ANKRD50: variants seen among roughly 807,000 people sequenced by gnomAD.
The protein encoded by ANKRD50 is ankyrin repeat domain-containing protein 50.
A neutral mutation model predicts 112.0 loss-of-function variants in ANKRD50; 40 were observed. The ratio of observed to expected loss-of-function variants is 0.36; its 90% CI spans 0.28 to 0.46. The LOEUF (loss-of-function observed/expected upper bound fraction) is 0.46. Among genes scored for constraint, ANKRD50 ranks in the 20% least tolerant of loss-of-function variants. ANKRD50 has a pLI of 1.00. For synonymous variants in ANKRD50, 613 were observed against 619.1 expected (o/e 0.99, Z 0.15); for missense variants, 1,487 against 1,701.7 (o/e 0.87, Z 2.22).
At chr4:124,699,471 A>G (rs1360510233) in intron 2 of ANKRD50, among the ~76,000 whole-genome samples, 4 of 152,128 alleles carry the variant, frequency 2.6e-5, no homozygotes, top group African/African-American at 4.8e-5. Context: ...TTTAACCAAC[A>G]TATCAATTGA....
chr4:124,706,362 G>C (rs1725503596), intron 2 of ANKRD50, among the ~76,000 whole-genome samples: 1 of 152,022 alleles, frequency 6.6e-6, no homozygotes, highest in Non-Finnish European at 1.5e-5. Flanking sequence ...TGTCAGAAGG[G>C]AAGAAAGTGG....
At chr4:124,706,432 G>C (rs1236652494) in intron 2 of ANKRD50, among the ~76,000 whole-genome samples, 1 of 151,908 alleles carries the variant, frequency 6.6e-6, no homozygotes, top group Admixed American at 6.6e-5. Context: ...TTATGAACTA[G>C]TAATTAACAA....
At chr4:124,681,511 C>A (rs1401553540) in intron 2 of ANKRD50, among the ~76,000 whole-genome samples, 1 of 152,156 alleles carries the variant, frequency 6.6e-6, no homozygotes, top group African/African-American at 2.4e-5. Flanking sequence ...TAGTCCTGGG[C>A]ACATCATAGT....
chr4:124,710,007 A>G lies in ANKRD50; in HGVS notation c.505T>C (p.Phe169Leu). The G allele has an allele frequency of 6.2e-7, 1 of 1,605,232 alleles. No homozygotes were observed. Among genetic ancestry groups the G allele is most frequent in the Non-Finnish European group, 8.5e-7 (1 of 1,174,512 alleles). The change falls in exon 2 of 5, where the codon TTT (phenylalanine) becomes CTT (leucine). Residue 169 changes from phenylalanine to leucine, a missense_variant. Phe to Leu is a conservative substitution (Grantham distance 22). This residue lies in a region of ANKRD50 where 1,046 missense variants were observed against 1,269.5 expected (regional missense o/e 0.82). Coordinates refer to ENST00000504087, the MANE Select transcript of ANKRD50 (RefSeq NM_020337.3). ...GECERNPAEA[F>L]KRCVLLPLLG... is the part of the protein sequence containing the mutation. ...TGACATTTTTATTGTTACCTTTTAA[A>G]TGCTTCGGCTGGGTTTCTCTCGCAC...
At chr4:124,697,286 T>C (rs534783209) in intron 2 of ANKRD50, among the ~76,000 whole-genome samples, 1 of 152,170 alleles carries the variant, frequency 6.6e-6, no homozygotes, top group East Asian at 1.9e-4. Flanking sequence ...AAGAAGCAAA[T>C]GTAAACAAAG....
Position 124,671,968 on chromosome 4 carries a change from C to T in ANKRD50, c.1309G>A (p.Ala437Thr), listed in dbSNP as rs1388196113. The change falls in exon 4 of 5, where the codon GCT becomes ACT. Residue 437 changes from alanine to threonine, a missense_variant. Around this residue, in one of 2 missense-constraint regions of ANKRD50, gnomAD observed 1,046 missense variants for 1,269.5 expected, o/e 0.82. Transcript: ENST00000504087. ...TTGGCTTGACAGGTATAACTCATAG[C>T]CAACATTCTGTGTCCTTCTGCTGCA... ...CNAAEGHRML[A>T]MSYTCQAKNL... is the part of the protein sequence containing the mutation. The T allele has an allele frequency of 6.2e-7, 1 of 1,613,808 alleles. No homozygotes were observed. The highest frequency in any genetic ancestry group is 1.3e-5 in the African/African-American group (1 of 74,884).
chr4:124,692,395 T>C (rs958410844), intron 2 of ANKRD50, among the ~76,000 whole-genome samples: 3 of 152,140 alleles, frequency 2.0e-5, no homozygotes, highest in Non-Finnish European at 2.9e-5. Flanking sequence ...AGGGAGGTAA[T>C]GGTTGGGGGG....
chr4:124,694,071 A>T (rs2110521488), intron 2 of ANKRD50, among the ~76,000 whole-genome samples: 1 of 152,352 alleles, frequency 6.6e-6, no homozygotes, highest in African/African-American at 2.4e-5. Context: ...TCTTAGGAGC[A>T]AAATTACCCA....
At chr4:124,707,797 C>T (rs545269423) in intron 2 of ANKRD50, among the ~76,000 whole-genome samples, 7 of 151,948 alleles carry the variant, frequency 4.6e-5, no homozygotes, top group Non-Finnish European at 7.4e-5. Context: ...TCTTCTTCCT[C>T]TTCAATTAGC....
At chr4:124,709,359 A>G (rs949790700) in intron 2 of ANKRD50, among the ~76,000 whole-genome samples, 4 of 152,186 alleles carry the variant, frequency 2.6e-5, no homozygotes, top group African/African-American at 4.8e-5. Context: ...ATGGAAAAAA[A>G]GCTTTGCTGA....
At chr4:124,684,638 GA>G (rs1724965443) in intron 2 of ANKRD50, among the ~76,000 whole-genome samples, 1 of 152,078 alleles carries the variant, frequency 6.6e-6, no homozygotes, top group African/African-American at 2.4e-5. Flanking sequence ...TTATTTCAAC[GA>G]ATAATGGTCT....
intron 2 of ANKRD50, among the ~76,000 whole-genome samples, chr4:124,684,953 T>C (rs1724973979): frequency 6.6e-6 from 1 of 152,194 alleles, no homozygotes; most frequent in Non-Finnish European, 1.5e-5. Context: ...GAAAGCTCCC[T>C]CGCCAGGCAG....
intron 2 of ANKRD50, among the ~76,000 whole-genome samples, chr4:124,687,339 A>G (rs934523000): frequency 6.6e-6 from 1 of 152,176 alleles, no homozygotes; most frequent in Non-Finnish European, 1.5e-5. Context: ...AAATGCAAAA[A>G]AGACGAACTT....
At position 124,686,565 on chromosome 4, in the gene ANKRD50, T is replaced by C. The variant is rs533757673; in HGVS notation, c.513-7660A>G. 3.3e-5 allele frequency among the ~76,000 whole-genome samples: 5 copies of C among 152,034 alleles called. No homozygotes were observed. In the South Asian group the frequency reaches 1.0e-3, roughly 32 times the overall value. On this transcript the variant is annotated intron_variant, in intron 2 of 4. Coordinates refer to ENST00000504087, the MANE Select transcript of ANKRD50 (RefSeq NM_020337.3). Reference sequence around the variant, plus strand: ...TTAACAAGGAGTGGGTGGGGAGGAATAGAATAAGCATTACTTGTCCTTGAG... The same window carrying C: ...TTAACAAGGAGTGGGTGGGGAGGAACAGAATAAGCATTACTTGTCCTTGAG...
At chr4:124,698,433 T>C (rs1417709151) in intron 2 of ANKRD50, among the ~76,000 whole-genome samples, 3 of 151,896 alleles carry the variant, frequency 2.0e-5, no homozygotes, top group African/African-American at 7.3e-5. Flanking sequence ...CTTTTTATTA[T>C]ATAGGAAGCC....
intron 2 of ANKRD50, among the ~76,000 whole-genome samples, chr4:124,700,422 CAAG>C (rs1725363617): frequency 6.6e-6 from 1 of 152,064 alleles, no homozygotes; most frequent in African/African-American, 2.4e-5. Context: ...ACAATAACAA[CAAG>C]AAGAGCAGTT....
In ANKRD50 at chr4:124,670,998, T is replaced by C. The variant is rs769051582; in HGVS notation, c.2279A>G (p.His760Arg). 5 of 1,613,854 alleles carry C rather than the reference T, an allele frequency of 3.1e-6. No individual in the cohort carries two copies. Among genetic ancestry groups the C allele is most frequent in the Admixed American group, 1.7e-5 (1 of 59,958 alleles). ...TAGAAGCAAGTCAACCACATCAACA[T>C]GTCCTTCATAGGCAGCTACCAGCAG... The part of the protein sequence containing the change: ...TPLLVAAYEG[H>R]VDVVDLLLEG... The change falls in exon 4 of 5, where the codon CAT becomes CGT. Residue 760 changes from histidine (H) to arginine (R), a missense_variant. Physicochemically the swap from His to Arg is conservative, Grantham distance 29 (BLOSUM62 0). This residue lies in a region of ANKRD50 where 1,046 missense variants were observed against 1,269.5 expected (regional missense o/e 0.82). Coordinates refer to ENST00000504087, the MANE Select transcript of ANKRD50 (RefSeq NM_020337.3).
At chr4:124,680,826 AT>A (rs1394036667) in intron 2 of ANKRD50, among the ~76,000 whole-genome samples, 1 of 152,066 alleles carries the variant, frequency 6.6e-6, no homozygotes, top group Non-Finnish European at 1.5e-5. Flanking sequence ...GTCAGGAGAA[AT>A]AGCTGGGGGT....
Position 124,670,492 on chromosome 4 carries a change from C to T in ANKRD50, c.2785G>A (p.Val929Ile), listed in dbSNP as rs1323464722. ...GCACCATGGCTAAAAAGCAATTCAACAATGTCCCTGTGCCCTTCTAATGCA... is the reference window on the plus strand; with the variant it reads ...GCACCATGGCTAAAAAGCAATTCAATAATGTCCCTGTGCCCTTCTAATGCA... ...VAALEGHRDIVELLFSHGADV... is the reference protein window; with the variant it reads ...VAALEGHRDIIELLFSHGADV... Residue 929 changes from valine (V) to isoleucine (I), a missense_variant, in exon 4 of 5, where the codon GTT becomes ATT. Val to Ile is a conservative substitution (Grantham distance 29). Coordinates refer to ENST00000504087, the MANE Select transcript of ANKRD50 (RefSeq NM_020337.3). 6.2e-7 allele frequency: 1 copy of T among 1,613,844 alleles called. No individual in the cohort carries two copies. The highest frequency in any genetic ancestry group is 1.7e-5 in the Admixed American group (1 of 59,944).
Sources: allele counts gnomAD v4.1 joint callset (sites outside exome capture counted in the v4.1 genomes callset), GRCh38; gene constraint gnomAD v4.1.1; regional missense constraint gnomAD v4.1.1; transcripts MANE v1.5; gene names NCBI Gene and HGNC (gene_info 2026-07-23, HGNC 2026-07-21).